EXOC6: variants seen among roughly 807,000 people sequenced by gnomAD.
EXOC6 encodes the protein SEC15-like 1.
In EXOC6, 60 loss-of-function variants were observed where a neutral mutation model predicts 112.5. The ratio of observed to expected loss-of-function variants is 0.53; its 90% confidence interval spans 0.43 to 0.66. EXOC6 has a LOEUF of 0.66. EXOC6 is among the 30% of genes least tolerant of loss of function. The pLI, the probability that EXOC6 is intolerant of heterozygous loss-of-function variation, is 0.00. For synonymous variants in EXOC6, 295 were observed against 308.0 expected (o/e 0.96, Z 0.44); for missense variants, 855 against 957.1 (o/e 0.89, Z 1.41).
upstream of EXOC6, among the ~76,000 whole-genome samples, chr10:92,843,821 C>T (rs373024328): frequency 5.0e-4 from 76 of 151,920 alleles, no homozygotes; most frequent in African/African-American, 1.8e-3. Context: ...AACCCTGTCT[C>T]TACTAAAAAT....
intron 14 of EXOC6, among the ~76,000 whole-genome samples, chr10:92,950,940 T>C (rs1853369685): frequency 6.6e-6 from 1 of 152,144 alleles, no homozygotes; most frequent in South Asian, 2.1e-4. Flanking sequence ...TCATTGAAGC[T>C]GATTTGAGAT....
intron 5 of EXOC6, chr10:92,901,591 G>A (rs1268739397): frequency 6.8e-6 from 1 of 146,122 alleles, no homozygotes; most frequent in Non-Finnish European, 1.5e-5. Flanking sequence ...TTATTGTATC[G>A]TAAGATGTTC....
intron 18 of EXOC6, among the ~76,000 whole-genome samples, chr10:92,976,746 G>A (rs1842637903): frequency 6.6e-6 from 1 of 150,678 alleles, no homozygotes; most frequent in South Asian, 2.1e-4. Context: ...GGCTATTTTT[G>A]AGCCAAGAGA....
chr10:92,911,938 CGTGTGTGT>C (rs72368133), intron 6 of EXOC6, among the ~76,000 whole-genome samples: 32,951 of 136,004 alleles, frequency 0.24, 4,544 homozygotes, highest in East Asian at 0.65. Context: ...TCTCTGTGTG[CGTGTGTGT>C]GTGTGTGTGT....
At chr10:93,023,155 G>A (rs1844864027) in intron 20 of EXOC6, among the ~76,000 whole-genome samples, 1 of 152,008 alleles carries the variant, frequency 6.6e-6, no homozygotes, top group Non-Finnish European at 1.5e-5. Context: ...TTCATGAGTT[G>A]CTATGAAAGA....
At chr10:92,928,222 T>C (rs1295542373) in intron 8 of EXOC6, 117 bp from the exon 9 acceptor site, 29 of 571,930 alleles carry the variant, frequency 5.1e-5, no homozygotes, top group Non-Finnish European at 8.1e-5. Flanking sequence ...TGAAATGCTA[T>C]TAAACATTTA....
chr10:92,890,480 A>C (rs80346762), intron 1 of EXOC6, among the ~76,000 whole-genome samples: 1 of 152,186 alleles, frequency 6.6e-6, no homozygotes, highest in Non-Finnish European at 1.5e-5. Context: ...GCAATAGGGA[A>C]CAAAACAGTC....
chr10:92,854,007 C>CAAA (rs34153493), intron 1 of EXOC6, among the ~76,000 whole-genome samples: 8 of 120,054 alleles, frequency 6.7e-5, no homozygotes, highest in African/African-American at 1.6e-4. Flanking sequence ...GTCCCTGTCT[C>CAAA]AAAAAAAAAA....
chr10:92,993,252 C>G (rs1230700336), intron 18 of EXOC6, among the ~76,000 whole-genome samples: 2 of 151,920 alleles, frequency 1.3e-5, no homozygotes, highest in Admixed American at 6.6e-5. Flanking sequence ...CTGTGTATTT[C>G]TTTTTACTTA....
intron 1 of EXOC6, among the ~76,000 whole-genome samples, chr10:92,877,162 A>G (rs554739726): frequency 1.4e-3 from 219 of 152,310 alleles, no homozygotes; most frequent in Non-Finnish European, 2.1e-3. Flanking sequence ...ATTTCAAGAG[A>G]ATTAATTACT....
At chr10:93,010,820 A>G (rs750655680) in intron 19 of EXOC6, among the ~76,000 whole-genome samples, 50 of 152,018 alleles carry the variant, frequency 3.3e-4, no homozygotes, top group Non-Finnish European at 6.2e-4. Context: ...CATCATCTGC[A>G]TGCCCTATTT....
At chr10:92,885,657 G>A (rs1166649047) in intron 1 of EXOC6, among the ~76,000 whole-genome samples, 2 of 152,098 alleles carry the variant, frequency 1.3e-5, no homozygotes, top group Admixed American at 1.3e-4. Context: ...GATTACAGGC[G>A]TGAGCCACTG....
intron 20 of EXOC6, among the ~76,000 whole-genome samples, chr10:93,049,494 A>G (rs1846179219): frequency 6.6e-6 from 1 of 152,380 alleles, no homozygotes; most frequent in African/African-American, 2.4e-5. Context: ...TGCATGCTAC[A>G]ACGTGATGAA....
chr10:92,869,124 G>A (rs976912897), intron 1 of EXOC6, among the ~76,000 whole-genome samples: 1 of 152,044 alleles, frequency 6.6e-6, no homozygotes, highest in African/African-American at 2.4e-5. Context: ...ATGGTCATAC[G>A]ATTGTTTTGC....
upstream of EXOC6, among the ~76,000 whole-genome samples, chr10:92,843,909 G>A (rs1846951618): frequency 6.7e-6 from 1 of 150,214 alleles, no homozygotes; most frequent in East Asian, 1.9e-4. Flanking sequence ...CCTTGGAGGT[G>A]GAGGCTGCAG....
At chr10:92,964,957 A>G (rs931542491) in intron 17 of EXOC6, among the ~76,000 whole-genome samples, 43 of 152,174 alleles carry the variant, frequency 2.8e-4, no homozygotes, top group African/African-American at 9.2e-4. Flanking sequence ...CCTGTCATCT[A>G]AAGGAAGAGA....
chr10:92,922,665 C>T (rs1189862707), intron 8 of EXOC6, among the ~76,000 whole-genome samples: 1 of 152,116 alleles, frequency 6.6e-6, no homozygotes, highest in Non-Finnish European at 1.5e-5. Flanking sequence ...ATGCTGCACA[C>T]AATATTCACA....
At chr10:92,965,320 TG>T (rs1249302840) in intron 17 of EXOC6, among the ~76,000 whole-genome samples, 1 of 152,204 alleles carries the variant, frequency 6.6e-6, no homozygotes, top group Non-Finnish European at 1.5e-5. Context: ...CACCTATGGT[TG>T]GGAACCACAG....
At chr10:92,972,367 A>C (rs183475178) in intron 17 of EXOC6, among the ~76,000 whole-genome samples, 1 of 152,232 alleles carries the variant, frequency 6.6e-6, no homozygotes, top group Non-Finnish European at 1.5e-5. Flanking sequence ...TACACATTCA[A>C]GAGAGGGGAG....
Sources: gnomAD v4.1 joint callset for allele counts (sites outside exome capture counted in the v4.1 genomes callset) on GRCh38, gnomAD v4.1.1 for gene constraint, MANE v1.5 for transcripts, NCBI Gene and HGNC (gene_info 2026-07-23, HGNC 2026-07-21) for gene names.